The following HCN4 variants were observed in gnomAD, a reference collection of about 807,000 sequenced individuals.
The protein encoded by HCN4 is potassium/sodium hyperpolarization-activated cyclic nucleotide-gated channel 4.
HCN4 carries 29 observed loss-of-function variants against 76.9 expected under a neutral mutation model. The ratio of observed to expected loss-of-function variants is 0.38; its 90% CI spans 0.28 to 0.51. The LOEUF is 0.51. Ranked by LOEUF, HCN4 falls within the 20% of genes least tolerant of loss-of-function variation. The pLI is 0.90. For synonymous variants in HCN4, 772 were observed against 762.5 expected (o/e 1.01, Z -0.21); for missense variants, 1,416 against 1,715.2 (o/e 0.83, Z 3.08).
At position 73,325,332 on chromosome 15, in the gene HCN4, C is replaced by G. The variant is rs138714806; in HGVS notation, c.1703G>C (p.Ser568Thr). The change falls in exon 5 of 8, where the codon AGC (serine) becomes ACC (threonine). Residue 568 changes from serine (S) to threonine (T), a missense_variant. By Grantham distance (58) the Ser-to-Thr change is moderately conservative. Transcript: ENST00000261917. This position sits in a 1 kb window ranked among gnomAD's most constrained non-coding sequence, Gnocchi z 7.4. ...RYQGKMFDEE[S>T]ILGELSEPLR... ...GGGCTCGCTTAGCTCGCCCAGGATG[C>G]TCTCCTCGTCGAACATCTTGCCCTG... The G allele has an allele frequency of 1.4e-3, 2,297 of 1,614,070 alleles. No individual in the cohort carries two copies. Among genetic ancestry groups the G allele is most frequent in the Non-Finnish European group, 1.8e-3 (2,095 of 1,179,992 alleles).
At chr15:73,324,286 G>A (rs1436446107) in intron 6 of HCN4, 33 bp from the exon 7 acceptor site, 2 of 1,609,256 alleles carry the variant, frequency 1.2e-6, no homozygotes, top group South Asian at 1.1e-5. Flanking sequence ...GATGAGGCAT[G>A]CACAGCCTGC....
intron 1 of HCN4, among the ~76,000 whole-genome samples, chr15:73,356,611 T>C (rs1027311670): frequency 4.0e-5 from 6 of 151,856 alleles, no homozygotes; most frequent in African/African-American, 9.7e-5. Flanking sequence ...AAATACTGAC[T>C]CTGCAAGGGT....
chr15:73,368,202 C>T lies in HCN4; in HGVS notation c.69G>A (p.Ala23=), dbSNP rs1171174562. 7 of 1,533,000 alleles carry T rather than the reference C, an allele frequency of 4.6e-6. No homozygotes were observed. The South Asian group carries it at 7.3e-5, about 16-fold the overall frequency. 95.0% of individuals were successfully genotyped at this position (1,533,000 alleles called of 1,614,324 possible). ...YSLPQQVGAK[A]WIMDEEEDAE... ...CGTCCTCTTCCTCGTCCATGATCCACGCCTTGGCCCCCACCTGCTGCGGGA... is the reference window on the plus strand; with the variant it reads ...CGTCCTCTTCCTCGTCCATGATCCATGCCTTGGCCCCCACCTGCTGCGGGA... The change falls in exon 1 of 8, where the codon GCG becomes GCA. Residue 23 remains alanine, a synonymous_variant. Coordinates refer to ENST00000261917, the MANE Select transcript of HCN4 (RefSeq NM_005477.3). The surrounding 1 kb of genome is among the most constrained non-coding windows in gnomAD (Gnocchi z 6.9).
At chr15:73,334,143 G>A (rs2042948822) in intron 2 of HCN4, among the ~76,000 whole-genome samples, 1 of 152,126 alleles carries the variant, frequency 6.6e-6, no homozygotes, top group African/African-American at 2.4e-5. Context: ...AGACGGTGCT[G>A]TGTGCCCTGC....
Position 73,320,912 on chromosome 15 carries a change from C to CTGAG in HCN4, c.*1565_*1568dup, listed in dbSNP as rs2042853576. 2 of 152,274 alleles carry CTGAG rather than the reference C, an allele frequency of 1.3e-5. No individual in the cohort carries two copies. Among genetic ancestry groups the CTGAG allele is most frequent in the African/African-American group, 4.8e-5 (2 of 41,458 alleles). The allele number at this position is 152,274 out of a possible 1,614,324, so 9.4% of individuals were successfully genotyped here. A position where few individuals can be genotyped will look rare whatever the true frequency, so the allele number is the denominator to read the frequency against. On this transcript the variant is annotated 3_prime_UTR_variant, in exon 8 of 8. Transcript: ENST00000261917. ...GCCCTTAGGGAGGCCCAGCCACCTC[C>CTGAG]TGAGTCCTGAGATTTTAAGTCTTGG...
Position 73,368,091 on chromosome 15 carries a change from CGCCGAGGGGGAG to C in HCN4, c.168_179del (p.Ser57_Ala60del). ...TCCGGGACTCCGTGCCACCCGCGGC[CGCCGAGGGGGAG>C]GGCGAGGGCAGTGGCCGCAGCCGGA... On this transcript the variant is annotated inframe_deletion, in exon 1 of 8. Transcript: ENST00000261917. This position sits in a 1 kb window ranked among gnomAD's most constrained non-coding sequence, Gnocchi z 6.9. 1 of 1,494,718 alleles carries C rather than the reference CGCCGAGGGGGAG, an allele frequency of 6.7e-7. No individual in the cohort carries two copies. The highest frequency in any genetic ancestry group is 8.9e-7 in the Non-Finnish European group (1 of 1,127,114). 92.6% of individuals were successfully genotyped at this position (1,494,718 alleles called of 1,614,324 possible).
chr15:73,362,822 C>T (rs2043111257), intron 1 of HCN4, among the ~76,000 whole-genome samples: 1 of 152,228 alleles, frequency 6.6e-6, no homozygotes, highest in South Asian at 2.1e-4. Context: ...CCCATCCTTA[C>T]CATGTAGCCA....
intron 2 of HCN4, among the ~76,000 whole-genome samples, chr15:73,337,913 G>A (rs1250869573): frequency 6.6e-6 from 1 of 152,192 alleles, no homozygotes; most frequent in Non-Finnish European, 1.5e-5. Flanking sequence ...TGGAACTGCG[G>A]TGAGGAGGAC....
Position 73,368,210 on chromosome 15 carries a change from C to T in HCN4, c.61G>A (p.Ala21Thr). The change falls in exon 1 of 8, where the codon GCC (alanine) becomes ACC (threonine). Residue 21 changes from alanine to threonine, a missense_variant. Physicochemically the swap from Ala to Thr is moderately conservative, Grantham distance 58. This residue lies in a region of HCN4 where 355 missense variants were observed against 347.8 expected (regional missense o/e 1.02). Coordinates refer to ENST00000261917, the MANE Select transcript of HCN4 (RefSeq NM_005477.3). The surrounding 1 kb of genome is among the most constrained non-coding windows in gnomAD (Gnocchi z 6.9). ...TCCTCGTCCATGATCCACGCCTTGG[C>T]CCCCACCTGCTGCGGGAGGCTGTAG... ...RLYSLPQQVG[A>T]KAWIMDEEED... 31 of 1,531,182 alleles carry T rather than the reference C, an allele frequency of 2.0e-5. No homozygotes were observed. The highest frequency in any genetic ancestry group is 2.5e-5 in the Non-Finnish European group (29 of 1,140,954). 94.8% of individuals were successfully genotyped at this position (1,531,182 alleles called of 1,614,324 possible). A position where few individuals can be genotyped will look rare whatever the true frequency, so the allele number is the denominator to read the frequency against.
intron 1 of HCN4, among the ~76,000 whole-genome samples, chr15:73,362,007 T>C (rs1266653188): frequency 6.6e-6 from 1 of 152,212 alleles, no homozygotes; most frequent in Non-Finnish European, 1.5e-5. Context: ...CCCACCCCTC[T>C]GGCCCTTTGG....
chr15:73,363,922 A>C (rs2043117374), intron 1 of HCN4, among the ~76,000 whole-genome samples: 1 of 152,160 alleles, frequency 6.6e-6, no homozygotes, highest in South Asian at 2.1e-4. Flanking sequence ...GCTCCACAGC[A>C]GTCAGGGTTG....
chr15:73,348,098 G>A (rs2043037069), intron 1 of HCN4, among the ~76,000 whole-genome samples: 1 of 152,232 alleles, frequency 6.6e-6, no homozygotes, highest in Non-Finnish European at 1.5e-5. Flanking sequence ...ACCGATATCT[G>A]GAAATTTCAT....
rs2042896273 is a variant in HCN4, at chr15:73,325,898, G to A, written c.1591-454C>T. On this transcript the variant is annotated intron_variant, in intron 4 of 7. Coordinates refer to ENST00000261917, the MANE Select transcript of HCN4 (RefSeq NM_005477.3). This position sits in a 1 kb window ranked among gnomAD's most constrained non-coding sequence, Gnocchi z 7.4. ...AGGCAAGGGTGCGATGGATCAGAACGCTCAGAGGCAGAAGCAAGGATGCCT... is the reference window on the plus strand; with the variant it reads ...AGGCAAGGGTGCGATGGATCAGAACACTCAGAGGCAGAAGCAAGGATGCCT... Among the ~76,000 whole-genome samples the A allele has an allele frequency of 6.6e-6, 1 of 152,168 alleles. No individual in the cohort carries two copies. The highest frequency in any genetic ancestry group is 1.5e-5 in the Non-Finnish European group (1 of 68,016).
chr15:73,343,822 C>T lies in HCN4; in HGVS notation c.786-14G>A, dbSNP rs374292110. ...TCCCAGTAAAATCTGCCCAGAGACA[C>T]AGGGGTCAGTCGCCAGGAAGAGAGA... On this transcript the variant is annotated splice_polypyrimidine_tract_variant and intron_variant, in intron 1 of 7. Transcript: ENST00000261917. The surrounding 1 kb of genome is among the most constrained non-coding windows in gnomAD (Gnocchi z 5.7). The T allele has an allele frequency of 1.2e-6, 2 of 1,613,476 alleles. No individual in the cohort carries two copies. The highest frequency in any genetic ancestry group is 2.7e-5 in the African/African-American group (2 of 74,896).
intron 7 of HCN4, 47 bp downstream of exon 7, chr15:73,324,042 T>TC (rs1478359705): frequency 2.6e-6 from 4 of 1,561,692 alleles, no homozygotes; most frequent in Non-Finnish European, 3.5e-6. Flanking sequence ...CCTGCCCTCC[T>TC]CCCCCAACAC....
chr15:73,358,395 C>A (rs1344785150), intron 1 of HCN4, among the ~76,000 whole-genome samples: 7 of 152,202 alleles, frequency 4.6e-5, no homozygotes, highest in Admixed American at 2.0e-4. Flanking sequence ...CATACAGTGG[C>A]TGGGGACTCA....
Position 73,323,584 on chromosome 15 carries a change from G to A in HCN4, c.2509C>T (p.Leu837=), listed in dbSNP as rs1482311885. 1 of 1,601,112 alleles carries A rather than the reference G, an allele frequency of 6.2e-7. No individual in the cohort carries two copies. The highest frequency in any genetic ancestry group is 1.3e-5 in the African/African-American group (1 of 74,932). ...KRLQSLIPSA[L]GSASPASSPS... ...CTGCTGGCGGGCGAGGCGGAGCCCAGCGCAGAAGGGATCAGGGACTGCAGC... is the reference window on the plus strand; with the variant it reads ...CTGCTGGCGGGCGAGGCGGAGCCCAACGCAGAAGGGATCAGGGACTGCAGC... The change falls in exon 8 of 8, where the codon CTG becomes TTG. Residue 837 remains leucine, a synonymous_variant. Transcript: ENST00000261917.
At position 73,322,471 on chromosome 15, in the gene HCN4, AG is replaced by A. The variant is rs1181944259; in HGVS notation, c.*9del. ...GAAAAGAAGAAAGAAGAGGGAAGGA[AG>A]GGCCCAGCTCATAGATTGGATGGCA... On this transcript the variant is annotated 3_prime_UTR_variant, in exon 8 of 8. Coordinates refer to ENST00000261917, the MANE Select transcript of HCN4 (RefSeq NM_005477.3). 6.6e-7 allele frequency: 1 copy of A among 1,517,570 alleles called. No homozygotes were observed. The highest frequency in any genetic ancestry group is 1.8e-5 in the Admixed American group (1 of 54,856). The allele number at this position is 1,517,570 out of a possible 1,614,324, so 94.0% of individuals were successfully genotyped here. A position where few individuals can be genotyped will look rare whatever the true frequency, so the allele number is the denominator to read the frequency against.
At position 73,322,970 on chromosome 15, in the gene HCN4, G is replaced by A; in HGVS notation, c.3123C>T (p.Ala1041=). Residue 1041 remains alanine, a synonymous_variant, in exon 8 of 8, where the codon GCC becomes GCT. Coordinates refer to ENST00000261917, the MANE Select transcript of HCN4 (RefSeq NM_005477.3). The part of the protein sequence containing the change: ...SPGPPRTFPS[A]PPRASGSHGS... ...CGTGGGAGCCAGAGGCCCGGGGCGG[G>A]GCACTCGGGAAGGTTCTTGGGGGGC... The A allele has an allele frequency of 7.0e-7, 1 of 1,431,434 alleles. No homozygotes were observed. Among genetic ancestry groups the A allele is most frequent in the East Asian group, 2.4e-5 (1 of 41,198 alleles). The allele number at this position is 1,431,434 out of a possible 1,614,324, so 88.7% of individuals were successfully genotyped here.
Sources: allele counts gnomAD v4.1 joint callset (sites outside exome capture counted in the v4.1 genomes callset), GRCh38; gene constraint gnomAD v4.1.1; regional missense constraint gnomAD v4.1.1; non-coding constraint Gnocchi (gnomAD v3.1); transcripts MANE v1.5; gene names NCBI Gene and HGNC (gene_info 2026-07-23, HGNC 2026-07-21).